ENTPD1: variants seen among roughly 807,000 people sequenced by gnomAD.
ENTPD1 encodes ATP diphosphohydrolase.
Under a neutral mutation model 57.0 loss-of-function variants are expected in ENTPD1, and 33 were observed. The ratio of observed to expected loss-of-function variants is 0.58; its 90% CI spans 0.44 to 0.77. The LOEUF (loss-of-function observed/expected upper bound fraction) is 0.77. ENTPD1 is among the 30% of genes least tolerant of loss of function. The pLI is 0.00. For synonymous variants in ENTPD1, 202 were observed against 218.8 expected, an observed-to-expected ratio of 0.92 and a Z score of 0.68; for missense variants, 501 against 603.4, an observed-to-expected ratio of 0.83 and a Z score of 1.78.
intron 1 of ENTPD1, among the ~76,000 whole-genome samples, chr10:95,780,901 AT>A (rs756309778): frequency 2.6e-5 from 4 of 152,192 alleles, no homozygotes; most frequent in Non-Finnish European, 2.9e-5. Context: ...CAGCAATTCC[AT>A]GGCTAGGTAT....
Position 95,847,511 on chromosome 10 carries a change from A to C in ENTPD1, c.879A>C (p.Val293=). The C allele has an allele frequency of 6.2e-7, 1 of 1,614,178 alleles. No individual in the cohort carries two copies. Among genetic ancestry groups the C allele is most frequent in the East Asian group, 2.2e-5 (1 of 44,884 alleles). ...CTGGATATAAGAAGGTAGTGAACGT[A>C]AGTGACCTTTACAAGACCCCCTGCA... ...FHPGYKKVVN[V]SDLYKTPCTK... The change falls in exon 7 of 10, where the codon GTA becomes GTC. Residue 293 remains valine (V), a synonymous_variant. Transcript: ENST00000371205.
In ENTPD1 at chr10:95,847,722, G is replaced by T. The variant is rs1156832218; in HGVS notation, c.1074+16G>T. On this transcript the variant is annotated intron_variant, in intron 7 of 9. Coordinates refer to ENST00000371205, the MANE Select transcript of ENTPD1 (RefSeq NM_001776.6). ...GGATTTTGGGGTAAGTTTGTGAAAT[G>T]ATGAGGTATAGGATGTCTTGTTTAC... 2 of 1,614,154 alleles carry T rather than the reference G, an allele frequency of 1.2e-6. No homozygotes were observed. Among genetic ancestry groups the T allele is most frequent in the Admixed American group, 1.7e-5 (1 of 60,016 alleles).
At chr10:95,694,295 AT>A in the ENTPD1 span, among the ~76,000 whole-genome samples, 8 of 151,694 alleles carry the variant, frequency 5.3e-5, no homozygotes, top group African/African-American at 1.9e-4. Flanking sequence ...AGAATTGCAA[AT>A]TTTTTTTCAC....
chr10:95,710,774 T>C (rs1210968170), upstream of ENTPD1, among the ~76,000 whole-genome samples: 1 of 152,178 alleles, frequency 6.6e-6, no homozygotes, highest in Admixed American at 6.5e-5. Flanking sequence ...TAGTCCCACA[T>C]TTTGTCCAGT....
At chr10:95,826,571 CAAAAAAA>C (rs35615283) in intron 2 of ENTPD1, among the ~76,000 whole-genome samples, 4,840 of 107,994 alleles carry the variant, frequency 0.045, 100 homozygotes, top group Non-Finnish European at 0.06. Flanking sequence ...GACGCCAACT[CAAAAAAA>C]AAAAAAAAAA....
In ENTPD1 at chr10:95,876,546, T is replaced by C; in HGVS notation, c.*10163T>C. The C allele has an allele frequency of 8.1e-7, 1 of 1,231,116 alleles. No individual in the cohort carries two copies. The highest frequency in any genetic ancestry group is 3.2e-5 in the East Asian group (1 of 31,618). The allele number at this position is 1,231,116 out of a possible 1,614,324, so 76.3% of individuals were successfully genotyped here. On this transcript the variant is annotated 3_prime_UTR_variant, in exon 10 of 10. Transcript: ENST00000371205. ...TGCAATAGTCAACTGAACCATCTTC[T>C]TGGAGTACTCATGAAGATGGAAGTC... is the stretch of plus-strand genomic sequence containing the variant.
At chr10:95,805,933 T>C (rs919551187) in intron 1 of ENTPD1, among the ~76,000 whole-genome samples, 29 of 152,214 alleles carry the variant, frequency 1.9e-4, no homozygotes, top group Non-Finnish European at 3.8e-4. Flanking sequence ...ATTTTTTCCT[T>C]CATTTCAACC....
chr10:95,871,697 T>C lies in ENTPD1; in HGVS notation c.*5314T>C, dbSNP rs760107597. On this transcript the variant is annotated 3_prime_UTR_variant, in exon 10 of 10. Transcript: ENST00000371205. Reference sequence around the variant, plus strand: ...TATTTTACATAAATTAAGTTATAAATTGACACTATAATCAACTGACACCAT... The same window carrying C: ...TATTTTACATAAATTAAGTTATAAACTGACACTATAATCAACTGACACCAT... The C allele has an allele frequency of 1.4e-5, 14 of 985,282 alleles. No homozygotes were observed. Among genetic ancestry groups the C allele is most frequent in the Non-Finnish European group, 1.2e-5 (10 of 829,898 alleles). The allele number at this position is 985,282 out of a possible 1,614,324, so 61.0% of individuals were successfully genotyped here. A position where few individuals can be genotyped will look rare whatever the true frequency, so the allele number is the denominator to read the frequency against.
intron 1 of ENTPD1, among the ~76,000 whole-genome samples, chr10:95,782,844 T>G (rs2098163342): frequency 6.6e-6 from 1 of 152,182 alleles, no homozygotes; most frequent in African/African-American, 2.4e-5. Flanking sequence ...GGATAACTAC[T>G]GGTTTCAGGA....
chr10:95,869,473 C>T lies in ENTPD1; in HGVS notation c.*3090C>T. On this transcript the variant is annotated 3_prime_UTR_variant, in exon 10 of 10. Coordinates refer to ENST00000371205, the MANE Select transcript of ENTPD1 (RefSeq NM_001776.6). ...CCATGTTGGCCAGGCTGGTCTCCAACTCCCAATCTCAGGTGATCCTATTGC... is the reference window on the plus strand; with the variant it reads ...CCATGTTGGCCAGGCTGGTCTCCAATTCCCAATCTCAGGTGATCCTATTGC... The T allele has an allele frequency of 1.1e-5, 10 of 875,552 alleles. No homozygotes were observed. Among genetic ancestry groups the T allele is most frequent in the Non-Finnish European group, 9.6e-6 (7 of 730,072 alleles). The allele number at this position is 875,552 out of a possible 1,614,324, so 54.2% of individuals were successfully genotyped here.
chr10:95,801,118 T>C (rs941424406), intron 1 of ENTPD1, among the ~76,000 whole-genome samples: 1 of 152,234 alleles, frequency 6.6e-6, no homozygotes, highest in African/African-American at 2.4e-5. Flanking sequence ...TCACAATTTA[T>C]TTTCTTCTGC....
chr10:95,832,643 C>A (rs990381913), intron 2 of ENTPD1, among the ~76,000 whole-genome samples: 1 of 152,214 alleles, frequency 6.6e-6, no homozygotes, highest in Non-Finnish European at 1.5e-5. Context: ...CAATGCCAAA[C>A]AACTAGCCTT....
intron 1 of ENTPD1, among the ~76,000 whole-genome samples, chr10:95,723,671 G>A (rs2097980272): frequency 1.3e-5 from 2 of 152,206 alleles, no homozygotes; most frequent in Non-Finnish European, 2.9e-5. Flanking sequence ...CAGAAGGAAA[G>A]GTAGGGGCAC....
At chr10:95,823,116 A>T in intron 1 of ENTPD1, 121 bp from the exon 2 acceptor site, 1 of 1,169,094 alleles carries the variant, frequency 8.6e-7, no homozygotes. Context: ...GATAAAAAAG[A>T]TTGGCTTTTA....
chr10:95,728,823 T>G (rs566630886), intron 1 of ENTPD1, among the ~76,000 whole-genome samples: 2 of 152,336 alleles, frequency 1.3e-5, no homozygotes, highest in South Asian at 4.1e-4. Context: ...GAAGTTATGA[T>G]TTAATACTGC....
intron 2 of ENTPD1, among the ~76,000 whole-genome samples, chr10:95,825,129 TA>T (rs1291629224): frequency 6.6e-6 from 1 of 152,204 alleles, no homozygotes; most frequent in Non-Finnish European, 1.5e-5. Flanking sequence ...TAAAATTAAA[TA>T]AAATTAAAAA....
chr10:95,851,442 A>C (rs1238818356), intron 7 of ENTPD1, among the ~76,000 whole-genome samples: 1 of 151,340 alleles, frequency 6.6e-6, no homozygotes, highest in African/African-American at 2.4e-5. Flanking sequence ...TTTTTTTTTT[A>C]ATTATACTTT....
chr10:95,850,471 G>A (rs967065978), intron 7 of ENTPD1, among the ~76,000 whole-genome samples: 1 of 152,164 alleles, frequency 6.6e-6, no homozygotes, highest in Admixed American at 6.5e-5. Context: ...AGTCAGACAA[G>A]CAGTGATGGT....
chr10:95,845,629 C>T, intron 6 of ENTPD1, 33 bp downstream of exon 6: 1 of 1,614,222 alleles, frequency 6.2e-7, no homozygotes, highest in South Asian at 1.1e-5. Flanking sequence ...CTGCCCCCTT[C>T]ACATCTGCAC....
Sources: allele counts gnomAD v4.1 joint callset (sites outside exome capture counted in the v4.1 genomes callset), GRCh38; gene constraint gnomAD v4.1.1; transcripts MANE v1.5; gene names NCBI Gene and HGNC (gene_info 2026-07-23, HGNC 2026-07-21).